The following DNM1L variants were observed in gnomAD, a reference collection of about 807,000 sequenced individuals.
DNM1L encodes dynamin-1-like protein.
In DNM1L, 33 loss-of-function variants were observed where a neutral mutation model predicts 92.8. The observed-to-expected ratio is 0.36, with a 90% CI of 0.27 to 0.48. The LOEUF (loss-of-function observed/expected upper bound fraction) is 0.48, where lower values mean the gene tolerates loss of function less well. DNM1L is among the 20% of genes least tolerant of loss of function. The pLI, the probability that DNM1L is intolerant of heterozygous loss-of-function variation, is 0.99. For missense variants in DNM1L, 485 were observed against 888.8 expected (o/e 0.55, Z 5.78); for synonymous variants, 284 against 305.0 (o/e 0.93, Z 0.72).
chr12:32,741,328 C>A (rs1335623009), intron 18 of DNM1L, among the ~76,000 whole-genome samples: 3 of 152,236 alleles, frequency 2.0e-5, no homozygotes, highest in African/African-American at 7.2e-5. Context: ...CTTTGTCGCC[C>A]AGGCTGGGGT....
intron 1 of DNM1L, among the ~76,000 whole-genome samples, chr12:32,694,037 C>T (rs1345270864): frequency 6.6e-6 from 1 of 152,152 alleles, no homozygotes; most frequent in African/African-American, 2.4e-5. Flanking sequence ...CACTCTGTCC[C>T]TAAACAGCCA....
chr12:32,736,025 C>T (rs1954847955), intron 13 of DNM1L, among the ~76,000 whole-genome samples: 1 of 151,354 alleles, frequency 6.6e-6, no homozygotes, highest in Non-Finnish European at 1.5e-5. Context: ...TGTGAGAGAT[C>T]CATCATTAAT....
intron 9 of DNM1L, chr12:32,726,471 G>T: frequency 1.7e-6 from 2 of 1,167,234 alleles, no homozygotes; most frequent in Non-Finnish European, 2.6e-6. Flanking sequence ...TTCCTCATCT[G>T]CTTCTTCACC....
At chr12:32,738,046 G>C (rs1032383491) in intron 15 of DNM1L, 104 bp downstream of exon 15, 3 of 1,310,764 alleles carry the variant, frequency 2.3e-6, no homozygotes, top group Non-Finnish European at 3.3e-6. Context: ...ATGGGATACT[G>C]TGCTAAGGTC....
At chr12:32,697,421 AG>A (rs1358528263) in intron 1 of DNM1L, among the ~76,000 whole-genome samples, 2 of 152,172 alleles carry the variant, frequency 1.3e-5, no homozygotes, top group Non-Finnish European at 2.9e-5. Context: ...TGATCTGTAA[AG>A]GGGTGGGAAG....
At chr12:32,718,798 G>C in intron 7 of DNM1L, 35 bp downstream of exon 7, 1 of 1,611,372 alleles carries the variant, frequency 6.2e-7, no homozygotes, top group Admixed American at 1.7e-5. Context: ...ATTGGGATAA[G>C]CATTCTTAGA....
intron 6 of DNM1L, among the ~76,000 whole-genome samples, chr12:32,717,445 T>C (rs1427081182): frequency 1.1e-4 from 11 of 97,960 alleles, no homozygotes; most frequent in Non-Finnish European, 1.9e-4. Flanking sequence ...ATTTTAAATA[T>C]ATACTATATA....
rs1339242884 is a variant in DNM1L at position 32,744,577 on chromosome 12, G to A, written c.*1167G>A. The stretch of plus-strand genomic sequence containing the variant: ...AAAAATACAAAATTGGCCGGGCGTG[G>A]TGGCGCATGCCTGTAATCCCAGCTA... On this transcript the variant is annotated 3_prime_UTR_variant, in exon 20 of 20. Coordinates refer to ENST00000549701, the MANE Select transcript of DNM1L (RefSeq NM_012062.5). The A allele has an allele frequency of 4.7e-6, 1 of 210,998 alleles. No individual in the cohort carries two copies. Among genetic ancestry groups the A allele is most frequent in the African/African-American group, 2.4e-5 (1 of 41,928 alleles). The allele number at this position is 210,998 out of a possible 1,614,324, so 13.1% of individuals were successfully genotyped here. A position where few individuals can be genotyped will look rare whatever the true frequency, so the allele number is the denominator to read the frequency against.
chr12:32,699,352 C>T (rs1952604798), intron 1 of DNM1L, among the ~76,000 whole-genome samples: 1 of 151,776 alleles, frequency 6.6e-6, no homozygotes, highest in South Asian at 2.1e-4. Flanking sequence ...AATTGAAATA[C>T]TTATTATGGA....
rs1484494131 is a variant in DNM1L at position 32,733,928 on chromosome 12, C to T, written c.1539+121C>T. The T allele has an allele frequency of 4.7e-6, 4 of 850,644 alleles. No individual in the cohort carries two copies. In the East Asian group the frequency reaches 1.0e-4, roughly 21 times the overall value. 52.7% of individuals were successfully genotyped at this position (850,644 alleles called of 1,614,324 possible). A position where few individuals can be genotyped will look rare whatever the true frequency, so the allele number is the denominator to read the frequency against. ...ACATGTGCCACATTAGTGCCTGCTG[C>T]ATGTCAGGAAATATGCTGAGGGGAT... is the stretch of plus-strand genomic sequence containing the variant. On this transcript the variant is annotated intron_variant, in intron 13 of 19. Transcript: ENST00000549701.
chr12:32,743,309 A>ATAAC, intron 19 of DNM1L, 45 bp from the exon 20 acceptor site: 1 of 1,560,004 alleles, frequency 6.4e-7, no homozygotes, highest in Non-Finnish European at 8.8e-7. Flanking sequence ...GATTAATTTC[A>ATAAC]TAACTTTATA....
intron 2 of DNM1L, among the ~76,000 whole-genome samples, chr12:32,706,479 A>G (rs752633801): frequency 1.3e-5 from 2 of 152,216 alleles, no homozygotes; most frequent in Non-Finnish European, 2.9e-5. Flanking sequence ...AAACAGTTCT[A>G]GTTTTTCTGG....
chr12:32,735,692 C>A (rs946376879), intron 13 of DNM1L, among the ~76,000 whole-genome samples: 2 of 151,872 alleles, frequency 1.3e-5, no homozygotes, highest in African/African-American at 2.4e-5. Context: ...TCTAGCCTGG[C>A]CAACGTGGCA....
Position 32,742,637 on chromosome 12 carries a change from T to G in DNM1L, c.2043T>G (p.Thr681=). The change falls in exon 19 of 20, where the codon ACT becomes ACG. Residue 681 remains threonine (T), a synonymous_variant. Coordinates refer to ENST00000549701, the MANE Select transcript of DNM1L (RefSeq NM_012062.5). The part of the protein sequence containing the change: ...MHFLVNHVKD[T]LQSELVGQLY... ...TTTTGGTTAATCATGTGAAAGACAC[T>G]CTTCAGAGTGAGCTAGTAGGCCAGC... 1 of 1,614,128 alleles carries G rather than the reference T, an allele frequency of 6.2e-7. No individual in the cohort carries two copies. The highest frequency in any genetic ancestry group is 1.1e-5 in the South Asian group (1 of 91,082).
intron 2 of DNM1L, 63 bp downstream of exon 2, chr12:32,701,625 A>G: frequency 1.4e-6 from 2 of 1,422,764 alleles, no homozygotes; most frequent in Non-Finnish European, 2.0e-6. Flanking sequence ...TCTTAAAAAG[A>G]TATGAATTGA....
chr12:32,712,879 G>A (rs1190633705), intron 5 of DNM1L, among the ~76,000 whole-genome samples: 2 of 151,900 alleles, frequency 1.3e-5, no homozygotes, highest in East Asian at 1.9e-4. Flanking sequence ...CTGAAATCAC[G>A]TTCAGAAAAG....
intron 9 of DNM1L, among the ~76,000 whole-genome samples, chr12:32,723,344 T>C (rs546903160): frequency 6.6e-6 from 1 of 152,286 alleles, no homozygotes; most frequent in East Asian, 1.9e-4. Context: ...ACCTTCACTT[T>C]GGCAATAACT....
At chr12:32,705,050 G>A (rs141172868) in intron 2 of DNM1L, among the ~76,000 whole-genome samples, 1,505 of 146,702 alleles carry the variant, frequency 0.01, 33 homozygotes, top group African/African-American at 0.035. Context: ...CTGTTGCCCA[G>A]GCTGGTGTGC....
intron 2 of DNM1L, among the ~76,000 whole-genome samples, chr12:32,703,327 G>C (rs1021344852): frequency 6.6e-6 from 1 of 151,654 alleles, no homozygotes; most frequent in Non-Finnish European, 1.5e-5. Context: ...TGCTGATTTT[G>C]TATATATATT....
Sources: allele counts gnomAD v4.1 joint callset (sites outside exome capture counted in the v4.1 genomes callset), GRCh38; gene constraint gnomAD v4.1.1; transcripts MANE v1.5; gene names NCBI Gene and HGNC (gene_info 2026-07-23, HGNC 2026-07-21).